Variants in LRP1B observed in about 807,000 individuals in gnomAD.
LRP1B encodes the protein low-density lipoprotein receptor-related protein 1B.
A neutral mutation model predicts 556.6 loss-of-function variants in LRP1B; 217 were observed. That is an observed-to-expected ratio of 0.39 (90% confidence interval 0.35 to 0.44). The LOEUF is 0.44. Among genes scored for constraint, LRP1B ranks in the 20% least tolerant of loss-of-function variants. LRP1B has a pLI of 1.00. For missense variants in LRP1B, 5,053 were observed against 5,620.8 expected (o/e 0.90, Z 3.23); for synonymous variants, 2,047 against 1,865.8 (o/e 1.10, Z -2.50).
At position 140,876,806 on chromosome 2, in the gene LRP1B, AT is replaced by A. The variant is rs796223597; in HGVS notation, c.4169+7010del. On this transcript the variant is annotated intron_variant, in intron 25 of 90. Coordinates refer to ENST00000389484, the MANE Select transcript of LRP1B (RefSeq NM_018557.3). ...CAATTTAAAAGCCTATGTGAAAAAT[AT>A]TTTTTTTTCTTGCTGCACTGTATAC... Among the ~76,000 whole-genome samples the A allele has an allele frequency of 2.1e-3, 314 of 151,750 alleles. 3 individuals carry two copies. The highest frequency in any genetic ancestry group is 7.0e-3 in the African/African-American group (290 of 41,410).
At chr2:141,094,952 G>A (rs1214104453) in intron 7 of LRP1B, among the ~76,000 whole-genome samples, 1 of 152,166 alleles carries the variant, frequency 6.6e-6, no homozygotes, top group Non-Finnish European at 1.5e-5. Context: ...TTGATCCCCA[G>A]TGCAACAGTG....
chr2:141,923,850 AG>A (rs1700264331), intron 1 of LRP1B, among the ~76,000 whole-genome samples: 1 of 151,994 alleles, frequency 6.6e-6, no homozygotes, highest in African/African-American at 2.4e-5. Flanking sequence ...TAACCAACTT[AG>A]GAAAAGAAGG....
chr2:140,674,139 G>T (rs543830619), intron 41 of LRP1B, among the ~76,000 whole-genome samples: 2 of 151,640 alleles, frequency 1.3e-5, no homozygotes, highest in South Asian at 2.1e-4. Flanking sequence ...TAGTAGAGAC[G>T]GGGTTTAACC....
chr2:141,571,615 G>A (rs1322537667), intron 2 of LRP1B, among the ~76,000 whole-genome samples: 2 of 152,110 alleles, frequency 1.3e-5, no homozygotes, highest in Admixed American at 1.3e-4. Flanking sequence ...TTCAGAATAT[G>A]GGTAATCAAA....
At chr2:140,383,238 T>C (rs1411378532) in intron 67 of LRP1B, among the ~76,000 whole-genome samples, 11 of 152,064 alleles carry the variant, frequency 7.2e-5, no homozygotes, top group Non-Finnish European at 1.5e-4. Flanking sequence ...ATCAATAATA[T>C]TTAGAAAATA....
intron 21 of LRP1B, among the ~76,000 whole-genome samples, chr2:140,921,694 G>C (rs1053500592): frequency 6.6e-6 from 1 of 151,842 alleles, no homozygotes; most frequent in African/African-American, 2.4e-5. Context: ...AATATTGTTG[G>C]AAAAAAATGT....
chr2:141,393,760 T>C (rs114875431), intron 3 of LRP1B, among the ~76,000 whole-genome samples: 86 of 152,204 alleles, frequency 5.7e-4, no homozygotes, highest in African/African-American at 2.0e-3. Flanking sequence ...ACAAAGATTA[T>C]ATGATGACAT....
intron 4 of LRP1B, among the ~76,000 whole-genome samples, chr2:141,251,796 G>T (rs1376855129): frequency 6.6e-6 from 1 of 152,078 alleles, no homozygotes; most frequent in Non-Finnish European, 1.5e-5. Flanking sequence ...AATAAAGGCA[G>T]TGACTACAAC....
intron 1 of LRP1B, among the ~76,000 whole-genome samples, chr2:141,862,935 A>G (rs1396598620): frequency 6.6e-6 from 1 of 152,190 alleles, no homozygotes; most frequent in Admixed American, 6.5e-5. Flanking sequence ...TTATCACCAT[A>G]ATAAGCTCTA....
At chr2:142,019,176 C>A (rs1451740870) in intron 1 of LRP1B, among the ~76,000 whole-genome samples, 1 of 152,020 alleles carries the variant, frequency 6.6e-6, no homozygotes, top group Middle Eastern at 3.2e-3. Flanking sequence ...CTGGTGCTAA[C>A]CTTCATTTCA....
At chr2:140,492,994 T>C (rs1688766660) in intron 56 of LRP1B, among the ~76,000 whole-genome samples, 1 of 152,166 alleles carries the variant, frequency 6.6e-6, no homozygotes, top group South Asian at 2.1e-4. Context: ...ACAATCTGAT[T>C]GTCTGCATGA....
At position 141,337,719 on chromosome 2, in the gene LRP1B, T is replaced by C. The variant is rs569708592; in HGVS notation, c.344-83078A>G. On this transcript the variant is annotated intron_variant, in intron 3 of 90. Coordinates refer to ENST00000389484, the MANE Select transcript of LRP1B (RefSeq NM_018557.3). ...AGTTGTTAATATGGTTTTGGCATTA[T>C]TGTTTTAAAATTTCCATTTGTTATT... Among the ~76,000 whole-genome samples the C allele has an allele frequency of 2.8e-4, 43 of 152,332 alleles. 1 individual carries two copies. The South Asian group carries it at 6.8e-3, about 24-fold the overall frequency.
chr2:141,932,827 A>T (rs1700541701), intron 1 of LRP1B, among the ~76,000 whole-genome samples: 1 of 152,002 alleles, frequency 6.6e-6, no homozygotes, highest in South Asian at 2.1e-4. Context: ...ATTATGTGGT[A>T]AATCTGTATA....
At chr2:140,462,365 A>G (rs1687360898) in intron 60 of LRP1B, among the ~76,000 whole-genome samples, 1 of 152,218 alleles carries the variant, frequency 6.6e-6, no homozygotes, top group Non-Finnish European at 1.5e-5. Context: ...CAGAGAGTTT[A>G]ATAAAGAATT....
intron 3 of LRP1B, among the ~76,000 whole-genome samples, chr2:141,300,640 T>G (rs975103098): frequency 6.6e-6 from 1 of 152,200 alleles, no homozygotes; most frequent in Non-Finnish European, 1.5e-5. Flanking sequence ...TAAGTTCTTA[T>G]GAGATTTGCT....
chr2:140,454,022 T>C (rs749884585), intron 62 of LRP1B, among the ~76,000 whole-genome samples: 14 of 152,354 alleles, frequency 9.2e-5, no homozygotes, highest in Non-Finnish European at 2.1e-4. Flanking sequence ...ACAAGAGATA[T>C]ATTTTCCTCT....
intron 7 of LRP1B, among the ~76,000 whole-genome samples, chr2:141,112,102 A>G (rs962097031): frequency 2.6e-5 from 3 of 117,110 alleles, no homozygotes; most frequent in Middle Eastern, 4.3e-3. Context: ...AATAAATTCT[A>G]CTCCACTCAC....
At chr2:140,987,443 A>G (rs1394006051) in intron 17 of LRP1B, among the ~76,000 whole-genome samples, 5 of 152,170 alleles carry the variant, frequency 3.3e-5, no homozygotes, top group African/African-American at 1.2e-4. Flanking sequence ...CCAACTAACA[A>G]TTAAAACTGT....
At chr2:140,975,727 A>G (rs1277492396) in intron 18 of LRP1B, among the ~76,000 whole-genome samples, 2 of 152,008 alleles carry the variant, frequency 1.3e-5, no homozygotes, top group Non-Finnish European at 2.9e-5. Context: ...CTGGATTACT[A>G]CTCCTCATTA....
Sources: gnomAD v4.1 joint callset for allele counts (sites outside exome capture counted in the v4.1 genomes callset) on GRCh38, gnomAD v4.1.1 for gene constraint, MANE v1.5 for transcripts, NCBI Gene and HGNC (gene_info 2026-07-23, HGNC 2026-07-21) for gene names.